NTRK2: variants seen among roughly 807,000 people sequenced by gnomAD.
NTRK2 encodes the protein BDNF/NT-3 growth factors receptor.
NTRK2 carries 13 observed loss-of-function variants against 94.5 expected under a neutral mutation model. The observed-to-expected ratio is 0.14, with a 90% confidence interval of 0.09 to 0.22. The LOEUF (loss-of-function observed/expected upper bound fraction) is 0.22, where lower values mean the gene tolerates loss of function less well. NTRK2 is among the 10% of genes least tolerant of loss of function. The pLI is 1.00. For missense variants in NTRK2, 639 were observed against 1,071.2 expected (o/e 0.60, Z 5.63); for synonymous variants, 372 against 407.4 (o/e 0.91, Z 1.05).
chr9:84,699,964 CA>C (rs1407443282), intron 2 of NTRK2, among the ~76,000 whole-genome samples: 1 of 152,082 alleles, frequency 6.6e-6, no homozygotes, highest in Non-Finnish European at 1.5e-5. Flanking sequence ...GTGCCTTGTG[CA>C]GATCATAATA....
chr9:84,741,705 G>A (rs1400868938), intron 9 of NTRK2, among the ~76,000 whole-genome samples, 187 bp from the exon 10 acceptor site: 4 of 152,138 alleles, frequency 2.6e-5, no homozygotes, highest in African/African-American at 4.8e-5. Flanking sequence ...TGGGAGAACC[G>A]GGGAGGGGAA....
chr9:84,834,364 T>A (rs188071364), intron 12 of NTRK2, among the ~76,000 whole-genome samples: 2 of 152,328 alleles, frequency 1.3e-5, no homozygotes, highest in South Asian at 2.1e-4. Context: ...AGCAGGTGTC[T>A]GATTCTACAG....
chr9:84,812,505 G>A, intron 12 of NTRK2: 1 of 1,048,084 alleles, frequency 9.5e-7, no homozygotes, highest in Non-Finnish European at 1.2e-6. Context: ...CTAAATGACA[G>A]TTTCTGTCAT....
intron 14 of NTRK2, among the ~76,000 whole-genome samples, chr9:84,915,367 A>G (rs2077365091): frequency 1.3e-5 from 2 of 152,094 alleles, no homozygotes; most frequent in Non-Finnish European, 2.9e-5. Flanking sequence ...GCCCTCATGA[A>G]TGGCTTGGTG....
chr9:84,779,742 A>G (rs368500798), intron 12 of NTRK2, among the ~76,000 whole-genome samples: 4 of 152,210 alleles, frequency 2.6e-5, no homozygotes, highest in African/African-American at 9.6e-5. Context: ...GTTCAAGATC[A>G]AGAAGGTGAG....
chr9:84,695,697 C>T (rs1297477276), intron 2 of NTRK2, among the ~76,000 whole-genome samples: 1 of 152,222 alleles, frequency 6.6e-6, no homozygotes, highest in Admixed American at 6.5e-5. Flanking sequence ...AGCTTGAGCT[C>T]AATGCCCTTT....
intron 12 of NTRK2, chr9:84,815,761 G>T (rs2072336192): frequency 1.0e-6 from 1 of 1,001,834 alleles, no homozygotes; most frequent in South Asian, 4.7e-5. Context: ...TTCCTCAAGT[G>T]TGTGCTGTCA....
intron 14 of NTRK2, among the ~76,000 whole-genome samples, chr9:84,896,925 T>C (rs761015992): frequency 2.6e-5 from 4 of 152,150 alleles, no homozygotes; most frequent in African/African-American, 9.7e-5. Flanking sequence ...TAGGCATAAT[T>C]TGGGGAGGTA....
At chr9:84,940,610 T>C (rs1268134649) in intron 15 of NTRK2, among the ~76,000 whole-genome samples, 1 of 152,070 alleles carries the variant, frequency 6.6e-6, no homozygotes, top group Non-Finnish European at 1.5e-5. Flanking sequence ...TCTGAGGTGG[T>C]CACGTGGTAC....
intron 12 of NTRK2, among the ~76,000 whole-genome samples, chr9:84,850,960 G>A (rs959670996): frequency 6.6e-6 from 1 of 152,178 alleles, no homozygotes; most frequent in African/African-American, 2.4e-5. Context: ...TTTTAGCAGG[G>A]ATAAAAGGTT....
Position 84,728,392 on chromosome 9 carries a change from C to T in NTRK2, c.1159+433C>T, listed in dbSNP as rs77761793. Among the ~76,000 whole-genome samples, 158 of 152,286 alleles carry T rather than the reference C, an allele frequency of 1.0e-3. 1 individual carries two copies. The highest frequency in any genetic ancestry group is 3.6e-3 in the African/African-American group (151 of 41,534). ...AATAATTTTGAACAGTTATCTGATA[C>T]ACACTGGATTAATAACTACTCCAGG... On this transcript the variant is annotated intron_variant, in intron 9 of 18. Transcript: ENST00000277120.
chr9:84,972,329 T>A lies in NTRK2; in HGVS notation c.2172+16812T>A, dbSNP rs144356805. ...AGGGCTGCCTTCCCAAAAGATGAGT[T>A]CCTTGTCACTGGAGGGAAGTGTCCA... On this transcript the variant is annotated intron_variant, in intron 17 of 18. Coordinates refer to ENST00000277120, the MANE Select transcript of NTRK2 (RefSeq NM_006180.6). Among the ~76,000 whole-genome samples the A allele has an allele frequency of 2.2e-3, 336 of 152,326 alleles. 1 individual carries two copies. Among genetic ancestry groups the A allele is most frequent in the Middle Eastern group, 6.8e-3 (2 of 294 alleles).
chr9:84,928,007 T>C (rs1333915634), intron 14 of NTRK2, among the ~76,000 whole-genome samples: 1 of 152,306 alleles, frequency 6.6e-6, no homozygotes, highest in East Asian at 1.9e-4. Context: ...ATAATGCACA[T>C]TGGGAATTTT....
chr9:84,674,342 G>A (rs1187328), intron 2 of NTRK2, among the ~76,000 whole-genome samples: 121,372 of 152,140 alleles, frequency 0.8, 48,484 homozygotes, highest in Admixed American at 0.81. Flanking sequence ...ATAGAATTTG[G>A]AGCTTCTCCT....
At chr9:84,708,379 G>C (rs74410234) in intron 5 of NTRK2, among the ~76,000 whole-genome samples, 4,455 of 152,282 alleles carry the variant, frequency 0.029, 94 homozygotes, top group Non-Finnish European at 0.043. Context: ...AGGAGAGGTA[G>C]TTGTTCTCTC....
chr9:84,816,778 C>CAAAAAA (rs61094948), intron 12 of NTRK2, among the ~76,000 whole-genome samples: 20 of 82,604 alleles, frequency 2.4e-4, no homozygotes, highest in African/African-American at 5.4e-4. Context: ...GACTCCATCT[C>CAAAAAA]AAAAAAAAAA....
chr9:85,020,397 G>A (rs1330762910), intron 18 of NTRK2, 33 bp downstream of exon 18: 1 of 1,612,744 alleles, frequency 6.2e-7, no homozygotes, highest in Non-Finnish European at 8.5e-7. Flanking sequence ...ACCCTCCAGA[G>A]GGCTGAGATC....
At chr9:84,894,598 A>G (rs1054119711) in intron 14 of NTRK2, among the ~76,000 whole-genome samples, 1 of 152,212 alleles carries the variant, frequency 6.6e-6, no homozygotes, top group Non-Finnish European at 1.5e-5. Context: ...GGCTTCTTTG[A>G]GTTTTACAGC....
intron 12 of NTRK2, chr9:84,813,366 G>T: frequency 9.6e-7 from 1 of 1,046,496 alleles, no homozygotes; most frequent in Non-Finnish European, 1.2e-6. Context: ...TTGTTAAAAA[G>T]TTGGCTCAAT....
Sources: allele counts gnomAD v4.1 joint callset (sites outside exome capture counted in the v4.1 genomes callset), GRCh38; gene constraint gnomAD v4.1.1; transcripts MANE v1.5; gene names NCBI Gene and HGNC (gene_info 2026-07-23, HGNC 2026-07-21).